MTA1: variants seen among roughly 807,000 people sequenced by gnomAD.
MTA1 encodes metastasis-associated protein MTA1.
In MTA1, 15 loss-of-function variants were observed where a neutral mutation model predicts 97.0. That is an observed-to-expected ratio of 0.15 (90% CI 0.10 to 0.24). The LOEUF is 0.24. Among genes scored for constraint, MTA1 ranks in the 10% least tolerant of loss-of-function variants. MTA1 has a pLI of 1.00. For synonymous variants in MTA1, 435 were observed against 417.5 expected, an observed-to-expected ratio of 1.04 and a Z score of -0.51; for missense variants, 709 against 1,015.1, an observed-to-expected ratio of 0.70 and a Z score of 4.10.
Position 105,451,775 on chromosome 14 carries a change from C to CTTTTTT in MTA1, c.432+1453_432+1458dup, listed in dbSNP as rs1436886470. On this transcript the variant is annotated intron_variant, in intron 6 of 20. Coordinates refer to ENST00000331320, the MANE Select transcript of MTA1 (RefSeq NM_004689.4). The stretch of plus-strand genomic sequence containing the variant: ...CAGCCCTTCCCCCCTTTTTCTTTTT[C>CTTTTTT]TTTTTTTGTTTTTTTTTTTTTTTTT... Among the ~76,000 whole-genome samples the CTTTTTT allele has an allele frequency of 4.3e-4, 51 of 118,268 alleles. 1 individual carries two copies. The highest frequency in any genetic ancestry group is 6.6e-4 in the Non-Finnish European group (39 of 58,928). The allele number at this position is 118,268 out of a possible 152,430, so 77.6% of individuals were successfully genotyped here.
chr14:105,460,700 G>C, intron 9 of MTA1, 65 bp from the exon 10 acceptor site: 1 of 1,461,140 alleles, frequency 6.8e-7, no homozygotes, highest in Non-Finnish European at 9.1e-7. Context: ...GAGGGAGGGG[G>C]TACCGTGCCA....
At chr14:105,466,378 C>T (rs937449713) in intron 16 of MTA1, 48 bp from the exon 17 acceptor site, 2 of 1,549,556 alleles carry the variant, frequency 1.3e-6, no homozygotes, top group South Asian at 2.3e-5. Context: ...GCCTGCCCCT[C>T]CCCTGCTGGG....
At chr14:105,464,180 A>G (rs1555431836) in intron 13 of MTA1, 33 bp downstream of exon 13, 2 of 1,582,704 alleles carry the variant, frequency 1.3e-6, no homozygotes, top group South Asian at 1.1e-5. Context: ...GGCACACCGC[A>G]CGCCCGCCTG....
chr14:105,462,860 C>G (rs2083412039), intron 10 of MTA1, among the ~76,000 whole-genome samples: 1 of 144,988 alleles, frequency 6.9e-6, no homozygotes, highest in Non-Finnish European at 1.6e-5. Context: ...CAGAGCGAGA[C>G]TCCGTCTCAA....
In MTA1 at chr14:105,470,598, C is replaced by T. The variant is rs1437834380; in HGVS notation, c.*383C>T. The T allele has an allele frequency of 5.3e-6, 1 of 188,004 alleles. No individual in the cohort carries two copies. The highest frequency in any genetic ancestry group is 6.2e-5 in the Admixed American group (1 of 16,150). 11.6% of individuals were successfully genotyped at this position (188,004 alleles called of 1,614,324 possible). ...AGATGAACTTGAGCTCTGTAACTTA[C>T]ACCTGGAATGTTAGGATCGTGCGGC... On this transcript the variant is annotated 3_prime_UTR_variant, in exon 21 of 21. Coordinates refer to ENST00000331320, the MANE Select transcript of MTA1 (RefSeq NM_004689.4).
chr14:105,456,705 G>A (rs1342479250), intron 7 of MTA1, among the ~76,000 whole-genome samples: 3 of 152,214 alleles, frequency 2.0e-5, no homozygotes, highest in Non-Finnish European at 4.4e-5. Flanking sequence ...CATACACGGA[G>A]GCACCATGGC....
At chr14:105,447,801 G>A (rs1344361739) in intron 3 of MTA1, among the ~76,000 whole-genome samples, 1 of 152,198 alleles carries the variant, frequency 6.6e-6, no homozygotes, top group East Asian at 1.9e-4. Flanking sequence ...TGGGCCTTGC[G>A]GTGATTCTGC....
At chr14:105,444,191 G>C (rs1555426508) in intron 2 of MTA1, among the ~76,000 whole-genome samples, 1 of 151,868 alleles carries the variant, frequency 6.6e-6, no homozygotes, top group African/African-American at 2.4e-5. Context: ...GGCTAACACG[G>C]TGAAACCCAG....
At position 105,469,877 on chromosome 14, in the gene MTA1, T is replaced by C. The variant is rs2083761828; in HGVS notation, c.1882T>C (p.Tyr628His). Residue 628 changes from tyrosine (Y) to histidine (H), a missense_variant, in exon 20 of 21, where the codon TAC (tyrosine) becomes CAC (histidine). Transcript: ENST00000331320. The part of the protein sequence containing the change: ...SRNLLLNGKS[Y>H]PTKVRLIRGG... ...GAACCTCCTGCTCAACGGGAAGTCCTACCCCACCAAAGTGCGCCTGATCCG... is the reference window on the plus strand; with the variant it reads ...GAACCTCCTGCTCAACGGGAAGTCCCACCCCACCAAAGTGCGCCTGATCCG... The C allele has an allele frequency of 6.2e-7, 1 of 1,610,698 alleles. No homozygotes were observed. Among genetic ancestry groups the C allele is most frequent in the African/African-American group, 1.3e-5 (1 of 74,968 alleles).
chr14:105,451,943 A>G (rs2082959772), intron 6 of MTA1, among the ~76,000 whole-genome samples: 1 of 151,850 alleles, frequency 6.6e-6, no homozygotes, highest in African/African-American at 2.4e-5. Context: ...GACGTGTGTC[A>G]CCATGTCCGG....
intron 16 of MTA1, 158 bp downstream of exon 16, chr14:105,465,341 A>T: frequency 1.9e-6 from 1 of 514,558 alleles, no homozygotes; most frequent in Non-Finnish European, 3.1e-6. Flanking sequence ...GCACCGTGCC[A>T]GGCTCAGGCA....
intron 10 of MTA1, among the ~76,000 whole-genome samples, chr14:105,461,498 G>A (rs2141658737): frequency 6.6e-6 from 1 of 152,286 alleles, no homozygotes; most frequent in Middle Eastern, 3.4e-3. Flanking sequence ...TCTGTTAGAA[G>A]AGCATCCCTA....
intron 1 of MTA1, among the ~76,000 whole-genome samples, chr14:105,423,067 A>G (rs964110860): frequency 2.0e-5 from 3 of 152,156 alleles, no homozygotes; most frequent in Non-Finnish European, 4.4e-5. Flanking sequence ...AAAACAGGAC[A>G]GCAGGAATCG....
intron 1 of MTA1, among the ~76,000 whole-genome samples, chr14:105,431,178 T>A (rs1255874478): frequency 3.9e-5 from 6 of 152,206 alleles, no homozygotes; most frequent in Non-Finnish European, 1.5e-5. Flanking sequence ...TTCTCCTGCC[T>A]CAGCCTCCCG....
At chr14:105,452,493 A>G (rs1405540160) in intron 6 of MTA1, among the ~76,000 whole-genome samples, 2 of 152,238 alleles carry the variant, frequency 1.3e-5, no homozygotes, top group South Asian at 2.1e-4. Flanking sequence ...CAGCCTGGGC[A>G]TCATAGTGAG....
In MTA1 at chr14:105,470,124, A is replaced by C; in HGVS notation, c.2057A>C (p.Lys686Thr). ...ETKRAARRPY[K>T]PIALRQSQAL... ...AAGCGTGCTGCCCGCCGGCCCTACA[A>C]GCCCATCGCCCTGCGCCAGAGCCAG... is the stretch of plus-strand genomic sequence containing the variant. Residue 686 changes from lysine to threonine, a missense_variant, in exon 21 of 21, where the codon AAG becomes ACG. This residue lies in a region of MTA1 where 388 missense variants were observed against 421.6 expected (regional missense o/e 0.92). Transcript: ENST00000331320. 6.2e-7 allele frequency: 1 copy of C among 1,612,314 alleles called. No homozygotes were observed. The highest frequency in any genetic ancestry group is 8.5e-7 in the Non-Finnish European group (1 of 1,179,748).
intron 1 of MTA1, among the ~76,000 whole-genome samples, chr14:105,433,462 G>C (rs1454997897): frequency 1.3e-5 from 2 of 152,204 alleles, no homozygotes; most frequent in African/African-American, 4.8e-5. Context: ...AGACGCTGTT[G>C]GCAGGCAGGA....
At position 105,470,302 on chromosome 14, in the gene MTA1, G is replaced by A. The variant is rs2083788257; in HGVS notation, c.*87G>A. 1 of 1,152,662 alleles carries A rather than the reference G, an allele frequency of 8.7e-7. No individual in the cohort carries two copies. The highest frequency in any genetic ancestry group is 1.8e-5 in the South Asian group (1 of 55,086). 71.4% of individuals were successfully genotyped at this position (1,152,662 alleles called of 1,614,324 possible). A position where few individuals can be genotyped will look rare whatever the true frequency, so the allele number is the denominator to read the frequency against. On this transcript the variant is annotated 3_prime_UTR_variant, in exon 21 of 21. Transcript: ENST00000331320. ...CAGCCCGCCGCCCGCCCCTCAGTTT[G>A]GTAGTGCCCCACCTCCCGCCCTCAC...
At chr14:105,444,545 C>G (rs1018654391) in intron 2 of MTA1, among the ~76,000 whole-genome samples, 1 of 151,946 alleles carries the variant, frequency 6.6e-6, no homozygotes, top group African/African-American at 2.4e-5. Flanking sequence ...AATCCCAGCA[C>G]TTTGTGGGGC....
Sources: gnomAD v4.1 joint callset for allele counts (sites outside exome capture counted in the v4.1 genomes callset) on GRCh38, gnomAD v4.1.1 for gene constraint, gnomAD v4.1.1 regional missense constraint, MANE v1.5 for transcripts, NCBI Gene and HGNC (gene_info 2026-07-23, HGNC 2026-07-21) for gene names.